Variants in PDE8B observed in about 807,000 individuals in gnomAD.
The protein encoded by PDE8B is phosphodiesterase 8B, also known as high affinity cAMP-specific and IBMX-insensitive 3',5'-cyclic phosphodiesterase 8B.
In PDE8B, 26 loss-of-function variants were observed where a neutral mutation model predicts 101.3. That is an observed-to-expected ratio of 0.26 (90% CI 0.19 to 0.36). PDE8B has a LOEUF of 0.36. Ranked by LOEUF, PDE8B falls within the 10% of genes least tolerant of loss-of-function variation. The pLI, the probability that PDE8B is intolerant of heterozygous loss-of-function variation, is 1.00. For synonymous variants in PDE8B, 424 were observed against 429.3 expected, an observed-to-expected ratio of 0.99 and a Z score of 0.15; for missense variants, 810 against 1,163.1, an observed-to-expected ratio of 0.70 and a Z score of 4.42.
At chr5:77,407,530 C>A in intron 13 of PDE8B, 73 bp downstream of exon 13, 1 of 1,052,296 alleles carries the variant, frequency 9.5e-7, no homozygotes, top group Admixed American at 1.7e-5. Flanking sequence ...AAATACATCA[C>A]ACTGACATCA....
intron 3 of PDE8B, 137 bp from the exon 4 acceptor site, chr5:77,328,861 G>C: frequency 1.3e-6 from 1 of 745,838 alleles, no homozygotes; most frequent in Non-Finnish European, 2.4e-6. Context: ...TTTCTTTGTT[G>C]TCTTCTCTGT....
chr5:77,169,801 G>A, the PDE8B span, among the ~76,000 whole-genome samples: 2 of 152,164 alleles, frequency 1.3e-5, no homozygotes, highest in Non-Finnish European at 2.9e-5. Flanking sequence ...GAGCCCTGGA[G>A]GTGTGCTACT....
chr5:77,387,556 G>A (rs2150880671), intron 10 of PDE8B, among the ~76,000 whole-genome samples: 1 of 152,168 alleles, frequency 6.6e-6, no homozygotes, highest in South Asian at 2.1e-4. Context: ...GGGTGTCTTG[G>A]GGTTGCTCTT....
chr5:77,244,389 G>A (rs550719223), intron 1 of PDE8B, among the ~76,000 whole-genome samples: 35 of 152,234 alleles, frequency 2.3e-4, no homozygotes, highest in Admixed American at 3.3e-4. Flanking sequence ...ACAGGGTCAC[G>A]TATAGAGATG....
At chr5:77,321,619 G>C (rs1003042457) in intron 2 of PDE8B, among the ~76,000 whole-genome samples, 1 of 152,084 alleles carries the variant, frequency 6.6e-6, no homozygotes, top group African/African-American at 2.4e-5. Flanking sequence ...CCTGGAGAAG[G>C]TATTATTTTT....
At chr5:77,293,411 A>G (rs550251779) in intron 1 of PDE8B, among the ~76,000 whole-genome samples, 1 of 152,362 alleles carries the variant, frequency 6.6e-6, no homozygotes, top group East Asian at 1.9e-4. Context: ...AGCAATTAGT[A>G]TATAGGTTAA....
At chr5:77,272,971 C>T (rs561227797) in intron 1 of PDE8B, among the ~76,000 whole-genome samples, 2 of 152,184 alleles carry the variant, frequency 1.3e-5, no homozygotes, top group African/African-American at 4.8e-5. Flanking sequence ...TTTGAATGGG[C>T]CTAATTGCTA....
intron 11 of PDE8B, among the ~76,000 whole-genome samples, chr5:77,404,280 C>G (rs1792943965): frequency 6.6e-6 from 1 of 151,974 alleles, no homozygotes; most frequent in Non-Finnish European, 1.5e-5. Flanking sequence ...GCCACTGTGC[C>G]CAGCCTAATT....
At chr5:77,372,899 G>T (rs1367028454) in intron 10 of PDE8B, among the ~76,000 whole-genome samples, 3 of 152,218 alleles carry the variant, frequency 2.0e-5, no homozygotes, top group Admixed American at 2.0e-4. Context: ...GTAGCGGCGT[G>T]CCGCTATAAT....
chr5:77,331,265 G>A, intron 4 of PDE8B, 137 bp from the exon 5 acceptor site: 2 of 783,050 alleles, frequency 2.6e-6, no homozygotes, highest in Non-Finnish European at 2.3e-6. Flanking sequence ...AGGCAGGTGT[G>A]CCCCGTGGGC....
At chr5:77,163,902 G>A in the PDE8B span, among the ~76,000 whole-genome samples, 2 of 152,182 alleles carry the variant, frequency 1.3e-5, no homozygotes, top group African/African-American at 4.8e-5. Flanking sequence ...TCAGTTAAAC[G>A]TGGCCTTGTG....
chr5:77,346,243 C>T (rs931068421), intron 7 of PDE8B, among the ~76,000 whole-genome samples: 1 of 152,170 alleles, frequency 6.6e-6, no homozygotes, highest in African/African-American at 2.4e-5. Context: ...TCTTAGTGGC[C>T]CACCTGCCCA....
intron 12 of PDE8B, 44 bp from the exon 13 acceptor site, chr5:77,407,337 C>T (rs758357581): frequency 6.6e-7 from 1 of 1,516,740 alleles, no homozygotes; most frequent in Non-Finnish European, 9.2e-7. Flanking sequence ...CTTAGCCACA[C>T]TGAGCCACCG....
chr5:77,292,071 G>A (rs1363125971), intron 1 of PDE8B, among the ~76,000 whole-genome samples: 3 of 148,710 alleles, frequency 2.0e-5, no homozygotes, highest in African/African-American at 7.4e-5. Flanking sequence ...CATACATTTT[G>A]TGCTAAGGAG....
intron 1 of PDE8B, among the ~76,000 whole-genome samples, chr5:77,277,041 G>T (rs529627363): frequency 3.9e-5 from 6 of 152,230 alleles, no homozygotes; most frequent in Admixed American, 2.6e-4. Flanking sequence ...CACGGTGGTT[G>T]TTCTCACCAT....
chr5:77,137,240 C>G, the PDE8B span, among the ~76,000 whole-genome samples: 1 of 152,202 alleles, frequency 6.6e-6, no homozygotes, highest in African/African-American at 2.4e-5. Context: ...TAAAAGAGAG[C>G]ATGCCTAATT....
intron 7 of PDE8B, among the ~76,000 whole-genome samples, chr5:77,348,943 A>G (rs1399807518): frequency 6.6e-6 from 1 of 152,140 alleles, no homozygotes; most frequent in Non-Finnish European, 1.5e-5. Flanking sequence ...CAGCTTCCCA[A>G]AGGGCTGGAA....
chr5:77,290,289 C>T (rs1766992331), intron 1 of PDE8B: 1 of 1,554,556 alleles, frequency 6.4e-7, no homozygotes, highest in South Asian at 1.2e-5. Flanking sequence ...CCTCATCAAT[C>T]AGCCCCAGTA....
chr5:77,293,149 A>C (rs2149966747), intron 1 of PDE8B, among the ~76,000 whole-genome samples: 1 of 152,350 alleles, frequency 6.6e-6, no homozygotes, highest in African/African-American at 2.4e-5. Context: ...ATAATAAATC[A>C]CATATATCGC....
Sources: allele counts gnomAD v4.1 joint callset (sites outside exome capture counted in the v4.1 genomes callset), GRCh38; gene constraint gnomAD v4.1.1; transcripts MANE v1.5; gene names NCBI Gene and HGNC (gene_info 2026-07-23, HGNC 2026-07-21).